Variants in FAAH2 observed in about 807,000 individuals in gnomAD.
The protein encoded by FAAH2 is fatty acid amide hydrolase 2, also known as fatty-acid amide hydrolase 2.
In FAAH2, 60 loss-of-function variants were observed where a neutral mutation model predicts 36.9. The ratio of observed to expected loss-of-function variants is 1.63; its 90% CI spans 1.32 to 2.02. The LOEUF (loss-of-function observed/expected upper bound fraction) is 2.02, where lower values mean the gene tolerates loss of function less well. Among genes scored for constraint, FAAH2 ranks in the 30% most tolerant of loss-of-function variants. FAAH2 has a pLI of 0.00. For missense variants in FAAH2, 689 were observed against 397.5 expected (o/e 1.73, Z -6.23); for synonymous variants, 214 against 143.8 (o/e 1.49, Z -3.49).
At chrX:57,429,121 G>A (rs1239798055) in intron 7 of FAAH2, among the ~76,000 whole-genome samples, 1 of 110,051 alleles carries the variant, frequency 9.1e-6, no homozygotes, top group Admixed American at 9.7e-5. Flanking sequence ...GGATCACGAG[G>A]TCAGGAGATC....
the FAAH2 span, among the ~76,000 whole-genome samples, chrX:57,178,331 C>T: frequency 1.8e-5 from 2 of 111,960 alleles, no homozygotes; most frequent in East Asian, 5.6e-4. Flanking sequence ...TTTCTTTTTC[C>T]TAAACACTGT....
At chrX:57,444,826 T>C (rs1166016380) in intron 8 of FAAH2, among the ~76,000 whole-genome samples, 2 of 112,049 alleles carry the variant, frequency 1.8e-5, no homozygotes, top group Non-Finnish European at 3.8e-5. Flanking sequence ...AAGTGAATTT[T>C]TCTTCTTTTT....
chrX:57,450,503 GT>G (rs1208707382), intron 10 of FAAH2, among the ~76,000 whole-genome samples: 1 of 111,770 alleles, frequency 8.9e-6, no homozygotes, highest in Non-Finnish European at 1.9e-5. Flanking sequence ...GCTCATTCAT[GT>G]TTTGTTTTTA....
chrX:57,286,924 T>C lies in FAAH2; in HGVS notation c.99T>C (p.Gly33=), dbSNP rs2516023. The C allele has an allele frequency of 0.29, 349,058 of 1,201,299 alleles. 45,773 individuals carry two copies. Among genetic ancestry groups the C allele is most frequent in the African/African-American group, 0.9 (50,417 of 56,069 alleles). ...GCCGAGCAGCTTTAGTCTTAGGGGG[T>C]CCAAAGTTTGCCTCAAAGACCCCTC... ...LVGRAALVLG[G]PKFASKTPRP... The change falls in exon 1 of 11, where the codon GGT becomes GGC. Residue 33 remains glycine, a synonymous_variant. Transcript: ENST00000374900.
At chrX:57,268,351 G>A in the FAAH2 span, among the ~76,000 whole-genome samples, 13 of 111,676 alleles carry the variant, frequency 1.2e-4, no homozygotes, top group African/African-American at 3.3e-4. Context: ...ATGAGATTAT[G>A]TAAAGAGACC....
chrX:57,275,989 C>G, the FAAH2 span, among the ~76,000 whole-genome samples: 1 of 111,346 alleles, frequency 9.0e-6, no homozygotes, highest in East Asian at 2.8e-4. Flanking sequence ...CTTTAACACC[C>G]CACTGTCCAT....
At chrX:57,243,796 A>G in the FAAH2 span, among the ~76,000 whole-genome samples, 1 of 111,617 alleles carries the variant, frequency 9.0e-6, no homozygotes, top group African/African-American at 3.3e-5. Context: ...GAGAGAAACA[A>G]GCGAAAAAAG....
chrX:57,331,289 T>TCCTTGA (rs2053398237), intron 3 of FAAH2, among the ~76,000 whole-genome samples: 1 of 111,426 alleles, frequency 9.0e-6, no homozygotes, highest in South Asian at 3.8e-4. Context: ...AGTGGGTTGC[T>TCCTTGA]CCTTGACTGT....
chrX:57,249,669 T>C, the FAAH2 span, among the ~76,000 whole-genome samples: 1 of 112,269 alleles, frequency 8.9e-6, no homozygotes, highest in Non-Finnish European at 1.9e-5. Context: ...TCCCAGTCTG[T>C]CTGTAACTCG....
chrX:57,311,122 C>T (rs2052680778), intron 3 of FAAH2, among the ~76,000 whole-genome samples: 1 of 111,861 alleles, frequency 8.9e-6, no homozygotes, highest in Admixed American at 9.5e-5. Context: ...TTCCTGCTAG[C>T]CTCAAAAGTA....
the FAAH2 span, among the ~76,000 whole-genome samples, chrX:57,163,551 TATA>T: frequency 8.9e-6 from 1 of 111,902 alleles, no homozygotes; most frequent in Non-Finnish European, 1.9e-5. Flanking sequence ...AGGTGCGAGA[TATA>T]ATCTCGTGGT....
the FAAH2 span, among the ~76,000 whole-genome samples, chrX:57,151,773 C>G: frequency 4.5e-5 from 5 of 111,798 alleles, no homozygotes; most frequent in East Asian, 1.4e-3. Context: ...AAGTCATTCT[C>G]CGTCCAGGTT....
At chrX:57,443,166 A>G (rs1311687757) in intron 8 of FAAH2, among the ~76,000 whole-genome samples, 1 of 111,805 alleles carries the variant, frequency 8.9e-6, no homozygotes, top group East Asian at 2.8e-4. Context: ...CTGCCTCGCT[A>G]GGTTCTTGAA....
chrX:57,471,915 A>G (rs2057175847), intron 10 of FAAH2, among the ~76,000 whole-genome samples: 1 of 111,271 alleles, frequency 9.0e-6, no homozygotes, highest in South Asian at 3.8e-4. Flanking sequence ...ATGGAACAGA[A>G]CAGAGCACTC....
intron 10 of FAAH2, among the ~76,000 whole-genome samples, chrX:57,484,946 G>T (rs2057447150): frequency 9.0e-6 from 1 of 111,456 alleles, no homozygotes; most frequent in Non-Finnish European, 1.9e-5. Flanking sequence ...CTGGGTCACT[G>T]GCTGAACTCT....
chrX:57,251,575 C>T, the FAAH2 span, among the ~76,000 whole-genome samples: 7 of 111,992 alleles, frequency 6.3e-5, no homozygotes, highest in Non-Finnish European at 1.3e-4. Context: ...TTGCAGGTGA[C>T]ATGATCTTAT....
the FAAH2 span, among the ~76,000 whole-genome samples, chrX:57,245,373 G>A: frequency 5.4e-5 from 6 of 111,921 alleles, no homozygotes; most frequent in East Asian, 1.7e-3. Context: ...TCTAGACCAA[G>A]CAGGCCTAAT....
At chrX:57,222,285 G>T in the FAAH2 span, among the ~76,000 whole-genome samples, 2 of 111,585 alleles carry the variant, frequency 1.8e-5, no homozygotes, top group Non-Finnish European at 3.8e-5. Context: ...ATTAAACTCT[G>T]CACAGCCTAT....
chrX:57,165,782 A>C, the FAAH2 span, among the ~76,000 whole-genome samples: 1 of 111,478 alleles, frequency 9.0e-6, no homozygotes, highest in African/African-American at 3.3e-5. Flanking sequence ...TGGGAGGGGC[A>C]CAGAGAAGGG....
Sources: allele counts gnomAD v4.1 joint callset (sites outside exome capture counted in the v4.1 genomes callset), GRCh38; gene constraint gnomAD v4.1.1; transcripts MANE v1.5; gene names NCBI Gene and HGNC (gene_info 2026-07-23, HGNC 2026-07-21).